The following MYOCOS variants were observed in gnomAD, a reference collection of about 807,000 sequenced individuals.
The protein encoded by MYOCOS is myocilin opposite strand.
At chr1:171,621,270 T>C, upstream of MYOCOS, among the ~76,000 whole-genome samples, 1 of 152,076 alleles carries the variant, frequency 6.6e-6, no homozygotes, top group Admixed American at 6.6e-5. Context: ...CAAAGGGAAA[T>C]AGCTGTATTT....
chr1:171,620,823 G>C (rs1039470896), upstream of MYOCOS, among the ~76,000 whole-genome samples: 3 of 146,472 alleles, frequency 2.0e-5, no homozygotes, highest in African/African-American at 7.7e-5. Flanking sequence ...CCAAGCTGGA[G>C]TGCAGTGGCG....
At chr1:171,609,632 G>A (rs1652318924) in intron 1 of MYOCOS, among the ~76,000 whole-genome samples, 1 of 152,138 alleles carries the variant, frequency 6.6e-6, no homozygotes, top group Non-Finnish European at 1.5e-5. Context: ...CCAAAACTTA[G>A]TAGCTTAAGA....
chr1:171,621,375 T>TTG (rs34469225), upstream of MYOCOS, among the ~76,000 whole-genome samples: 53 of 19,278 alleles, frequency 2.7e-3, no homozygotes, highest in Admixed American at 7.4e-3. Context: ...CTATGGTGGG[T>TTG]TTTTTTTTTT....
upstream of MYOCOS, among the ~76,000 whole-genome samples, chr1:171,617,362 G>A (rs548827608): frequency 2.0e-5 from 3 of 152,250 alleles, no homozygotes; most frequent in Non-Finnish European, 4.4e-5. Flanking sequence ...GGAAATGAGT[G>A]TAGAGAATAG....
At chr1:171,626,357 C>G (rs969597012) in intron 2 of MYOCOS, 97 bp from the exon 3 acceptor site, 3 of 393,752 alleles carry the variant, frequency 7.6e-6, no homozygotes, top group African/African-American at 6.2e-5. Context: ...GCTGGGATTA[C>G]AGGCATGAAC....
At chr1:171,608,161 T>C (rs930003533) in intron 1 of MYOCOS, among the ~76,000 whole-genome samples, 1 of 151,998 alleles carries the variant, frequency 6.6e-6, no homozygotes, top group African/African-American at 2.4e-5. Flanking sequence ...AAGATGAGAT[T>C]TGGGTGGGGA....
chr1:171,606,905 A>T (rs1652254590), intron 1 of MYOCOS, among the ~76,000 whole-genome samples: 1 of 152,104 alleles, frequency 6.6e-6, no homozygotes. Flanking sequence ...CAGCCTGACC[A>T]AGAGGGTGAA....
In MYOCOS at chr1:171,626,735, A is replaced by G. The variant is rs545325476; in HGVS notation, c.*134A>G. The G allele has an allele frequency of 2.5e-6, 1 of 396,760 alleles. No homozygotes were observed. Among genetic ancestry groups the G allele is most frequent in the South Asian group, 1.4e-4 (1 of 7,058 alleles). The allele number at this position is 396,760 out of a possible 1,614,324, so 24.6% of individuals were successfully genotyped here. A position where few individuals can be genotyped will look rare whatever the true frequency, so the allele number is the denominator to read the frequency against. On this transcript the variant is annotated 3_prime_UTR_variant, in exon 3 of 3. Transcript: ENST00000637642. Reference sequence around the variant, plus strand: ...CTATTTTTCTTCACCTAGAACCACCATAGAGCATGGTTTACCCTTGCTAAT... The same window carrying G: ...CTATTTTTCTTCACCTAGAACCACCGTAGAGCATGGTTTACCCTTGCTAAT...
upstream of MYOCOS, among the ~76,000 whole-genome samples, chr1:171,621,533 G>A (rs961421448): frequency 1.3e-4 from 20 of 151,786 alleles, no homozygotes; most frequent in African/African-American, 4.4e-4. Flanking sequence ...CCGCCACCAC[G>A]CCTGGCTAAT....
At chr1:171,616,552 TAAC>T (rs935205294) in intron 2 of MYOCOS, among the ~76,000 whole-genome samples, 6 of 151,544 alleles carry the variant, frequency 4.0e-5, no homozygotes, top group Non-Finnish European at 7.4e-5. Context: ...AATAAATAAA[TAAC>T]AACAACAACA....
chr1:171,605,373 C>CCACACACACA (rs55880778), intron 1 of MYOCOS, among the ~76,000 whole-genome samples: 2,809 of 139,210 alleles, frequency 0.02, 47 homozygotes, highest in Non-Finnish European at 0.03. Flanking sequence ...ATTAATAGTA[C>CCACACACACA]CACACACACA....
rs920101038 is a variant in MYOCOS, at chr1:171,626,650, C to T, written c.*49C>T. On this transcript the variant is annotated 3_prime_UTR_variant, in exon 3 of 3. Coordinates refer to ENST00000637642, the MANE Select transcript of MYOCOS (RefSeq NM_001391940.1). ...AATTCTTACACAGAACTCCAGAAAA[C>T]AGTTTCAGTGGCATTCTTGAGGTTT... 1 of 398,372 alleles carries T rather than the reference C, an allele frequency of 2.5e-6. No homozygotes were observed. 24.7% of individuals were successfully genotyped at this position (398,372 alleles called of 1,614,324 possible).
At chr1:171,610,235 G>A (rs146765795) in intron 1 of MYOCOS, among the ~76,000 whole-genome samples, 9 of 152,206 alleles carry the variant, frequency 5.9e-5, no homozygotes, top group African/African-American at 1.4e-4. Context: ...GGATCATTGA[G>A]TCTCATCTTA....
intron 1 of MYOCOS, among the ~76,000 whole-genome samples, chr1:171,608,410 T>TC (rs1652294084): frequency 1.9e-5 from 2 of 105,284 alleles, no homozygotes; most frequent in Non-Finnish European, 3.8e-5. Flanking sequence ...GAACCAGACT[T>TC]TTTTTTTTTT....
chr1:171,605,829 T>G (rs1652234786), intron 1 of MYOCOS, among the ~76,000 whole-genome samples: 1 of 152,250 alleles, frequency 6.6e-6, no homozygotes, highest in South Asian at 2.1e-4. Context: ...GGTTACAAGC[T>G]GTTTTAAAAA....
chr1:171,608,366 T>A (rs2102933329), intron 1 of MYOCOS, among the ~76,000 whole-genome samples: 1 of 150,962 alleles, frequency 6.6e-6, no homozygotes, highest in Middle Eastern at 3.5e-3. Flanking sequence ...GGAAATAAGA[T>A]GCTCCTTTAA....
At chr1:171,608,408 C>CT (rs34773729) in intron 1 of MYOCOS, among the ~76,000 whole-genome samples, 22,243 of 51,218 alleles carry the variant, frequency 0.43, 9,434 homozygotes, top group Non-Finnish European at 0.49. Flanking sequence ...GGGAACCAGA[C>CT]TTTTTTTTTT....
At chr1:171,603,646 C>T (rs185002959) in intron 1 of MYOCOS, among the ~76,000 whole-genome samples, 104 of 152,322 alleles carry the variant, frequency 6.8e-4, no homozygotes, top group African/African-American at 2.4e-3. Flanking sequence ...AAACTCATGT[C>T]GGCCCCCGCC....
At chr1:171,605,388 CACACACA>C (rs1185024505) in intron 1 of MYOCOS, among the ~76,000 whole-genome samples, 56 of 142,894 alleles carry the variant, frequency 3.9e-4, no homozygotes, top group African/African-American at 1.5e-3. Flanking sequence ...CACACACACA[CACACACA>C]AAAAAAAAAA....
Sources: gnomAD v4.1 joint callset for allele counts (sites outside exome capture counted in the v4.1 genomes callset) on GRCh38, gnomAD v4.1.1 for gene constraint, MANE v1.5 for transcripts, NCBI Gene and HGNC (gene_info 2026-07-23, HGNC 2026-07-21) for gene names.